ZC3H6: variants seen among roughly 807,000 people sequenced by gnomAD.
ZC3H6 encodes the protein zinc finger CCCH-type containing 6.
A neutral mutation model predicts 107.7 loss-of-function variants in ZC3H6; 40 were observed. The observed-to-expected ratio is 0.37, with a 90% CI of 0.29 to 0.48. The LOEUF is 0.48. Ranked by LOEUF, ZC3H6 falls within the 20% of genes least tolerant of loss-of-function variation. ZC3H6 has a pLI of 0.98. For synonymous variants in ZC3H6, 493 were observed against 487.9 expected (o/e 1.01, Z -0.14); for missense variants, 1,267 against 1,410.4 (o/e 0.90, Z 1.63).
chr2:112,322,479 G>C (rs1165163605), intron 8 of ZC3H6, among the ~76,000 whole-genome samples, 170 bp from the exon 9 acceptor site: 1 of 152,052 alleles, frequency 6.6e-6, no homozygotes, highest in Non-Finnish European at 1.5e-5. Flanking sequence ...GGGCTCAAGC[G>C]ATCCAGCTGC....
chr2:112,275,604 T>G lies in ZC3H6; in HGVS notation c.-391T>G. 2.5e-6 allele frequency: 1 copy of G among 401,186 alleles called. No homozygotes were observed. Among genetic ancestry groups the G allele is most frequent in the East Asian group, 3.6e-5 (1 of 28,072 alleles). The allele number at this position is 401,186 out of a possible 1,614,324, so 24.9% of individuals were successfully genotyped here. ...CAAGGTGTTGCGGCCGGCGCCATTT[T>G]CTCGAGCCGCCTGTTTCGGGTGCCG... On this transcript the variant is annotated 5_prime_UTR_variant, in exon 1 of 12. Transcript: ENST00000409871.
chr2:112,294,197 C>T (rs532587333), intron 1 of ZC3H6, among the ~76,000 whole-genome samples: 4 of 152,260 alleles, frequency 2.6e-5, no homozygotes, highest in South Asian at 2.1e-4. Context: ...GTTGGGCTTA[C>T]GTAAGTAGCC....
chr2:112,326,896 C>T (rs545534449), intron 11 of ZC3H6, among the ~76,000 whole-genome samples: 32 of 152,012 alleles, frequency 2.1e-4, no homozygotes, highest in African/African-American at 5.5e-4. Flanking sequence ...TACAGGTGTG[C>T]GCCACCGTGC....
intron 1 of ZC3H6, among the ~76,000 whole-genome samples, chr2:112,295,767 T>A (rs1407567655): frequency 6.6e-6 from 1 of 152,180 alleles, no homozygotes; most frequent in East Asian, 1.9e-4. Context: ...CTAAAAAAAA[T>A]TTTAAAAGCT....
chr2:112,298,106 C>T (rs1390348031), intron 1 of ZC3H6, among the ~76,000 whole-genome samples: 1 of 151,634 alleles, frequency 6.6e-6, no homozygotes, highest in African/African-American at 2.4e-5. Flanking sequence ...AGAGTGAGAC[C>T]CTGTCTCAAA....
At position 112,322,950 on chromosome 2, in the gene ZC3H6, T is replaced by C. The variant is rs770808169; in HGVS notation, c.1340+48T>C. On this transcript the variant is annotated intron_variant, in intron 9 of 11. Transcript: ENST00000409871. ...GACATCAAATATTTTTTTCTGAAAA[T>C]TATCATTAAGAAACTAAGTCATACT... 2.0e-6 allele frequency: 3 copies of C among 1,527,078 alleles called. No homozygotes were observed. The African/African-American group carries it at 4.2e-5, about 21-fold the overall frequency. 94.6% of individuals were successfully genotyped at this position (1,527,078 alleles called of 1,614,324 possible).
At chr2:112,317,406 TA>T in intron 7 of ZC3H6, 74 bp downstream of exon 7, 3 of 792,100 alleles carry the variant, frequency 3.8e-6, no homozygotes, top group South Asian at 2.0e-5. Flanking sequence ...TAAAAAATAA[TA>T]AATACACCCT....
Position 112,334,983 on chromosome 2 carries a change from G to A in ZC3H6, c.*2495G>A, listed in dbSNP as rs1259875989. On this transcript the variant is annotated 3_prime_UTR_variant, in exon 12 of 12. Transcript: ENST00000409871. ...TATGGATAGGCTCATCCAATGAGATGTAACTTAGCTATTCATACTGTTTGT... is the reference window on the plus strand; with the variant it reads ...TATGGATAGGCTCATCCAATGAGATATAACTTAGCTATTCATACTGTTTGT... 6.6e-6 allele frequency: 1 copy of A among 152,558 alleles called. No homozygotes were observed. Among genetic ancestry groups the A allele is most frequent in the Non-Finnish European group, 1.5e-5 (1 of 68,028 alleles). The allele number at this position is 152,558 out of a possible 1,614,324, so 9.5% of individuals were successfully genotyped here. A position where few individuals can be genotyped will look rare whatever the true frequency, so the allele number is the denominator to read the frequency against.
chr2:112,305,025 T>C (rs568095623), intron 3 of ZC3H6, among the ~76,000 whole-genome samples: 2 of 152,280 alleles, frequency 1.3e-5, no homozygotes, highest in Non-Finnish European at 2.9e-5. Context: ...TATCAGAATG[T>C]TTATAAGGTC....
intron 1 of ZC3H6, chr2:112,286,243 C>T (rs2104694657): frequency 2.7e-6 from 1 of 371,260 alleles, no homozygotes; most frequent in East Asian, 7.1e-5. Flanking sequence ...TTGCATAGGT[C>T]CAGGGAATCA....
In ZC3H6 at chr2:112,331,438, T is replaced by G; in HGVS notation, c.2520T>G (p.Pro840=). The G allele has an allele frequency of 6.2e-7, 1 of 1,613,928 alleles. No homozygotes were observed. The highest frequency in any genetic ancestry group is 1.1e-5 in the South Asian group (1 of 91,074). ...RELREKAFLI[P]LDASPGIMLQ... is the part of the protein sequence containing the mutation. ...TGAGAGAAAAAGCTTTCTTAATACC[T>G]TTGGATGCCTCACCTGGCATAATGC... The change falls in exon 12 of 12, where the codon CCT becomes CCG. Residue 840 remains proline, a synonymous_variant. Transcript: ENST00000409871.
chr2:112,281,971 G>C (rs1489135391), intron 1 of ZC3H6, among the ~76,000 whole-genome samples: 1 of 152,056 alleles, frequency 6.6e-6, no homozygotes, highest in Non-Finnish European at 1.5e-5. Flanking sequence ...GTGGGCTTCA[G>C]GCCTAAAATC....
chr2:112,282,849 C>T (rs954032019), intron 1 of ZC3H6, among the ~76,000 whole-genome samples: 2 of 152,172 alleles, frequency 1.3e-5, no homozygotes, highest in Non-Finnish European at 2.9e-5. Flanking sequence ...AAGTGATAAT[C>T]TCAGCTCCAT....
chr2:112,276,538 G>A (rs140489958), intron 1 of ZC3H6, among the ~76,000 whole-genome samples: 11 of 152,256 alleles, frequency 7.2e-5, no homozygotes, highest in African/African-American at 2.2e-4. Flanking sequence ...CTTATCCCTT[G>A]GAATTTGAGA....
chr2:112,305,018 C>T (rs925262754), intron 3 of ZC3H6, among the ~76,000 whole-genome samples: 1 of 152,014 alleles, frequency 6.6e-6, no homozygotes, highest in Non-Finnish European at 1.5e-5. Flanking sequence ...GGGTAAATAT[C>T]AGAATGTTTA....
rs974939537 is a variant in ZC3H6, at chr2:112,329,255, C to A, written c.2087-1750C>A. Among the ~76,000 whole-genome samples the A allele has an allele frequency of 2.6e-5, 4 of 152,092 alleles. No individual in the cohort carries two copies. In the South Asian group the frequency reaches 6.2e-4, roughly 24 times the overall value. On this transcript the variant is annotated intron_variant, in intron 11 of 11. Transcript: ENST00000409871. ...CTATTCTTCTACTCTCCCTCTGTTA[C>A]TATTTTCACTCTCATTTAAGAAAGA...
chr2:112,332,258 C>T lies in ZC3H6; in HGVS notation c.3340C>T (p.Gln1114Ter). Reference protein sequence around the residue: ...GVTLEGPADPQADVPRSSGKV... With the variant: ...GVTLEGPADP Reference sequence around the variant, plus strand: ...CACTCTTGAGGGGCCAGCTGACCCACAGGCGGACGTTCCCAGGAGTTCTGG... The same window carrying T: ...CACTCTTGAGGGGCCAGCTGACCCATAGGCGGACGTTCCCAGGAGTTCTGG... The change falls in exon 12 of 12, where the codon CAG becomes TAG. Residue 1114 changes from glutamine (Q) to a stop codon, truncating the protein, a stop_gained. Coordinates refer to ENST00000409871, the MANE Select transcript of ZC3H6 (RefSeq NM_198581.3). LOFTEE classifies it high-confidence loss of function. 1.2e-6 allele frequency: 2 copies of T among 1,613,944 alleles called. No individual in the cohort carries two copies.
chr2:112,315,524 C>A (rs1444803370), intron 5 of ZC3H6, among the ~76,000 whole-genome samples: 1 of 151,784 alleles, frequency 6.6e-6, no homozygotes, highest in African/African-American at 2.4e-5. Context: ...TTTTCCTTTG[C>A]CTTTATTTAT....
At chr2:112,310,231 A>G in intron 4 of ZC3H6, 70 bp downstream of exon 4, 1 of 1,424,362 alleles carries the variant, frequency 7.0e-7, no homozygotes, top group Non-Finnish European at 9.4e-7. Flanking sequence ...TGGAGTAAAA[A>G]CTTAGAAACT....
Sources: allele counts gnomAD v4.1 joint callset (sites outside exome capture counted in the v4.1 genomes callset), GRCh38; gene constraint gnomAD v4.1.1; transcripts MANE v1.5; gene names NCBI Gene and HGNC (gene_info 2026-07-23, HGNC 2026-07-21).